UTRN: variants seen among roughly 807,000 people sequenced by gnomAD.
UTRN encodes the protein dystrophin-related protein 1.
In UTRN, 283 loss-of-function variants were observed where a neutral mutation model predicts 463.9. The ratio of observed to expected loss-of-function variants is 0.61; its 90% CI spans 0.55 to 0.67. The LOEUF is 0.67. Among genes scored for constraint, UTRN ranks in the 30% least tolerant of loss-of-function variants. The pLI is 0.00. For missense variants in UTRN, 3,922 were observed against 4,084.3 expected, an observed-to-expected ratio of 0.96 and a Z score of 1.08; for synonymous variants, 1,442 against 1,431.5, an observed-to-expected ratio of 1.01 and a Z score of -0.17.
chr6:144,356,851 G>A lies in UTRN; in HGVS notation c.80-46272G>A, dbSNP rs1260538282. On this transcript the variant is annotated intron_variant, in intron 2 of 74. Transcript: ENST00000367545. ...AATATGAATAAATAAATAAATATAT[G>A]TGTGTGTGTGTATGTGTGTGTATAT... is the stretch of plus-strand genomic sequence containing the variant. Among the ~76,000 whole-genome samples, 3 of 128,420 alleles carry A rather than the reference G, an allele frequency of 2.3e-5. No homozygotes were observed. In the East Asian group the frequency reaches 6.9e-4, roughly 30 times the overall value. 84.2% of individuals were successfully genotyped at this position (128,420 alleles called of 152,430 possible).
intron 51 of UTRN, among the ~76,000 whole-genome samples, chr6:144,581,789 G>T (rs1343718027): frequency 6.6e-6 from 1 of 152,146 alleles, no homozygotes; most frequent in Non-Finnish European, 1.5e-5. Flanking sequence ...CCACAATCAA[G>T]TTAGAACATT....
chr6:144,370,227 C>T (rs2114709303), intron 2 of UTRN, among the ~76,000 whole-genome samples: 1 of 152,312 alleles, frequency 6.6e-6, no homozygotes, highest in East Asian at 1.9e-4. Flanking sequence ...CCATCCCAAG[C>T]CAGGAGGTCT....
chr6:144,311,633 G>A (rs917477360), intron 2 of UTRN: 4 of 152,228 alleles, frequency 2.6e-5, no homozygotes, highest in African/African-American at 7.2e-5. Flanking sequence ...CACTTTCTAA[G>A]CTCCAGAAAA....
intron 52 of UTRN, among the ~76,000 whole-genome samples, chr6:144,695,290 C>T (rs895879006): frequency 4.0e-5 from 6 of 151,868 alleles, no homozygotes; most frequent in Non-Finnish European, 7.4e-5. Flanking sequence ...GGCTCAATAC[C>T]ATAGGTTAAT....
At chr6:144,668,482 C>T (rs1780655815) in intron 51 of UTRN, among the ~76,000 whole-genome samples, 1 of 152,192 alleles carries the variant, frequency 6.6e-6, no homozygotes, top group Non-Finnish European at 1.5e-5. Context: ...CTGTCTTAGT[C>T]AGTTTGGGCT....
chr6:144,639,766 T>C (rs969979990), intron 51 of UTRN, among the ~76,000 whole-genome samples: 3 of 152,160 alleles, frequency 2.0e-5, no homozygotes. Flanking sequence ...GTGATCTGTG[T>C]TGTGTTAGGG....
intron 58 of UTRN, among the ~76,000 whole-genome samples, chr6:144,759,130 G>A (rs765629258): frequency 4.6e-5 from 7 of 151,958 alleles, no homozygotes; most frequent in East Asian, 1.9e-4. Context: ...AGCAATATAC[G>A]TTACATTAGC....
At position 144,692,252 on chromosome 6, in the gene UTRN, A is replaced by G. The variant is rs187778663; in HGVS notation, c.7653-7835A>G. On this transcript the variant is annotated intron_variant, in intron 52 of 74. Coordinates refer to ENST00000367545, the MANE Select transcript of UTRN (RefSeq NM_007124.3). ...CTTTTTCATGGCTGCATAGTATTCCATGGTGTATATGTACCACAGTTTTTC... is the reference window on the plus strand; with the variant it reads ...CTTTTTCATGGCTGCATAGTATTCCGTGGTGTATATGTACCACAGTTTTTC... Among the ~76,000 whole-genome samples, 124 of 152,320 alleles carry G rather than the reference A, an allele frequency of 8.1e-4. 1 individual carries two copies. Among genetic ancestry groups the G allele is most frequent in the Non-Finnish European group, 1.4e-3 (97 of 68,026 alleles).
At chr6:144,699,473 GTTTTTTTTTTTTTTTTTT>G (rs71024902) in intron 52 of UTRN, among the ~76,000 whole-genome samples, 1,522 of 67,766 alleles carry the variant, frequency 0.022, 80 homozygotes, top group African/African-American at 0.078. Context: ...TTAGTCAGTG[GTTTTTTTTTTTTTTTTTT>G]TTTTTTTTTG....
intron 51 of UTRN, among the ~76,000 whole-genome samples, chr6:144,589,687 C>A (rs1332493237): frequency 6.6e-6 from 1 of 152,066 alleles, no homozygotes; most frequent in Non-Finnish European, 1.5e-5. Flanking sequence ...GAAATTTCAC[C>A]TGCAGTCTCC....
intron 53 of UTRN, among the ~76,000 whole-genome samples, chr6:144,717,881 C>T (rs148445130): frequency 6.3e-4 from 95 of 151,942 alleles, no homozygotes; most frequent in Middle Eastern, 3.4e-3. Flanking sequence ...ATGATCCACC[C>T]GCCTCAGCCT....
intron 65 of UTRN, among the ~76,000 whole-genome samples, chr6:144,819,871 TCCGCCG>T: frequency 7.3e-6 from 1 of 137,766 alleles, no homozygotes; most frequent in East Asian, 2.3e-4. Flanking sequence ...CTTCTCCTCC[TCCGCCG>T]CCTCCTCCTC....
chr6:144,637,206 G>C (rs921718883), intron 51 of UTRN, among the ~76,000 whole-genome samples: 9 of 152,130 alleles, frequency 5.9e-5, no homozygotes, highest in African/African-American at 1.7e-4. Flanking sequence ...CTGAGCTCAA[G>C]CAATCTAACT....
At chr6:144,289,670 T>A (rs1050671817) in intron 1 of UTRN, among the ~76,000 whole-genome samples, 2 of 151,814 alleles carry the variant, frequency 1.3e-5, no homozygotes, top group African/African-American at 2.4e-5. Context: ...TTTTTTGAGA[T>A]GGAATTTTGC....
At chr6:144,398,422 T>C in intron 2 of UTRN, 1 of 378,928 alleles carries the variant, frequency 2.6e-6, no homozygotes, top group South Asian at 2.5e-5. Flanking sequence ...TAATGCACAC[T>C]CAAGGGCCTC....
At chr6:144,335,517 C>T (rs760855) in intron 2 of UTRN, among the ~76,000 whole-genome samples, 38,199 of 152,132 alleles carry the variant, frequency 0.25, 5,592 homozygotes, top group South Asian at 0.37. Flanking sequence ...TAGTTGAACC[C>T]GATTCCTGAG....
At chr6:144,391,614 A>G (rs1168201719) in intron 2 of UTRN, among the ~76,000 whole-genome samples, 2 of 152,094 alleles carry the variant, frequency 1.3e-5, no homozygotes, top group Non-Finnish European at 2.9e-5. Flanking sequence ...TACAGCTTGC[A>G]TGTAAAGTTG....
intron 66 of UTRN, 27 bp from the exon 67 acceptor site, chr6:144,827,321 T>G: frequency 6.2e-7 from 1 of 1,612,946 alleles, no homozygotes; most frequent in Non-Finnish European, 8.5e-7. Context: ...GTTCTGTGAC[T>G]TTTGTCTCCC....
At chr6:144,424,949 A>G (rs1357033677) in intron 6 of UTRN, among the ~76,000 whole-genome samples, 5 of 152,242 alleles carry the variant, frequency 3.3e-5, no homozygotes, top group African/African-American at 4.8e-5. Context: ...AAAACTTAGT[A>G]TATAATTATT....
Sources: gnomAD v4.1 joint callset for allele counts (sites outside exome capture counted in the v4.1 genomes callset) on GRCh38, gnomAD v4.1.1 for gene constraint, MANE v1.5 for transcripts, NCBI Gene and HGNC (gene_info 2026-07-23, HGNC 2026-07-21) for gene names.